The following KDM3B variants were observed in gnomAD, a reference collection of about 807,000 sequenced individuals.
KDM3B encodes lysine-specific demethylase 3B.
A neutral mutation model predicts 170.0 loss-of-function variants in KDM3B; 10 were observed. The observed-to-expected ratio is 0.06, with a 90% CI of 0.04 to 0.10. KDM3B has a LOEUF of 0.10. Ranked by LOEUF, KDM3B falls within the 10% of genes least tolerant of loss-of-function variation. The probability of loss-of-function intolerance (pLI) is 1.00; values close to 1 mark genes in which losing one functional copy is unlikely to be tolerated. For synonymous variants in KDM3B, 831 were observed against 834.8 expected (o/e 1.00, Z 0.08); for missense variants, 1,394 against 2,195.2 (o/e 0.64, Z 7.29).
At chr5:138,382,152 A>C (rs938165343) in intron 6 of KDM3B, among the ~76,000 whole-genome samples, 1 of 152,180 alleles carries the variant, frequency 6.6e-6, no homozygotes, top group African/African-American at 2.4e-5. Flanking sequence ...AAAAAGATAC[A>C]TTAAAGCTCT....
At chr5:138,388,709 G>C (rs537612040) in intron 7 of KDM3B, among the ~76,000 whole-genome samples, 40 of 151,448 alleles carry the variant, frequency 2.6e-4, no homozygotes, top group African/African-American at 6.3e-4. Flanking sequence ...CTACCCAGGA[G>C]GCTGAGGCAG....
intron 12 of KDM3B, among the ~76,000 whole-genome samples, chr5:138,416,588 C>CAAAAAAAAAAAAAAAA (rs545925296): frequency 1.2e-5 from 1 of 84,226 alleles, no homozygotes; most frequent in African/African-American, 4.7e-5. Context: ...GACTCTGTCT[C>CAAAAAAAAAAAAAAAA]AAAAAAAAAA....
chr5:138,379,594 T>G lies in KDM3B; in HGVS notation c.591T>G (p.Ser197Arg). ...LQEIFSRGPY[S>R]VQGHRVKIYQ... ...TGATCTCCCTTTTAGGTCCCTACAG[T>G]GTTCAAGGTCACAGGGTCAAAATAT... is the stretch of plus-strand genomic sequence containing the variant. Residue 197 changes from serine (S) to arginine (R), a missense_variant, in exon 5 of 24, where the codon AGT (serine) becomes AGG (arginine). Ser to Arg is a moderately radical substitution (Grantham distance 110, BLOSUM62 -1). This residue lies in a region of KDM3B where 166 missense variants were observed against 216.4 expected (regional missense o/e 0.77). Transcript: ENST00000314358. The G allele has an allele frequency of 6.2e-7, 1 of 1,613,292 alleles. No homozygotes were observed.
chr5:138,357,640 G>T (rs142394181), intron 1 of KDM3B, among the ~76,000 whole-genome samples: 1 of 152,188 alleles, frequency 6.6e-6, no homozygotes, highest in Non-Finnish European at 1.5e-5. Flanking sequence ...GATTACAGGC[G>T]TGAGCCACCA....
chr5:138,366,925 A>G (rs1202636666), intron 1 of KDM3B, among the ~76,000 whole-genome samples: 1 of 152,230 alleles, frequency 6.6e-6, no homozygotes, highest in Non-Finnish European at 1.5e-5. Flanking sequence ...ATGCCAGTCA[A>G]AGCTCTTTAC....
chr5:138,431,554 C>T lies in KDM3B; in HGVS notation c.5200C>T (p.Leu1734=). ...SNTHTNHEDK[L]QVKNIIYHAV... ...CACTCATACAAATCATGAGGATAAACTGCAGGTAAATAACTCCTCCCTCTA... is the reference window on the plus strand; with the variant it reads ...CACTCATACAAATCATGAGGATAAATTGCAGGTAAATAACTCCTCCCTCTA... The change falls in exon 23 of 24, where the codon CTG becomes TTG. Residue 1734 remains leucine, a synonymous_variant. Transcript: ENST00000314358. 6.2e-7 allele frequency: 1 copy of T among 1,603,528 alleles called. No homozygotes were observed. Among genetic ancestry groups the T allele is most frequent in the Non-Finnish European group, 8.5e-7 (1 of 1,176,044 alleles).
intron 6 of KDM3B, among the ~76,000 whole-genome samples, chr5:138,382,151 C>T (rs926845941): frequency 6.6e-6 from 1 of 152,028 alleles, no homozygotes; most frequent in Non-Finnish European, 1.5e-5. Flanking sequence ...AAAAAAGATA[C>T]ATTAAAGCTC....
At chr5:138,364,859 A>G (rs909430798) in intron 1 of KDM3B, among the ~76,000 whole-genome samples, 1 of 152,226 alleles carries the variant, frequency 6.6e-6, no homozygotes, top group Non-Finnish European at 1.5e-5. Flanking sequence ...TGAAAGCACT[A>G]TATGTGCTGG....
In KDM3B at chr5:138,386,475, C is replaced by A; in HGVS notation, c.1234C>A (p.Gln412Lys). Residue 412 changes from glutamine to lysine, a missense_variant, in exon 7 of 24, where the codon CAA (glutamine) becomes AAA (lysine). Coordinates refer to ENST00000314358, the MANE Select transcript of KDM3B (RefSeq NM_016604.4). The part of the protein sequence containing the change: ...ENKEAGKTLE[Q>K]VGQGIVASAA... Reference sequence around the variant, plus strand: ...CAAAGAGGCAGGAAAAACACTGGAACAAGTTGGCCAGGGCATAGTGGCTTC... The same window carrying A: ...CAAAGAGGCAGGAAAAACACTGGAAAAAGTTGGCCAGGGCATAGTGGCTTC... 1 of 1,614,176 alleles carries A rather than the reference C, an allele frequency of 6.2e-7. No individual in the cohort carries two copies. The highest frequency in any genetic ancestry group is 1.1e-5 in the South Asian group (1 of 91,080).
At chr5:138,368,637 G>T (rs565144729) in intron 1 of KDM3B, among the ~76,000 whole-genome samples, 93 of 152,178 alleles carry the variant, frequency 6.1e-4, no homozygotes, top group Middle Eastern at 3.4e-3. Context: ...CTTCACTCTT[G>T]GGGGAATATG....
chr5:138,370,733 T>C (rs6894775), intron 1 of KDM3B, among the ~76,000 whole-genome samples: 38,823 of 151,956 alleles, frequency 0.26, 5,614 homozygotes, highest in East Asian at 0.56. Context: ...CAGTTGCCAG[T>C]TGGGAGTCAC....
chr5:138,431,147 C>A (rs1257190045), intron 22 of KDM3B, among the ~76,000 whole-genome samples: 9 of 151,706 alleles, frequency 5.9e-5, no homozygotes, highest in Admixed American at 5.9e-4. Context: ...GGGGTTTCGC[C>A]ATATCACCGT....
At chr5:138,434,097 C>T (rs1490091309) in intron 23 of KDM3B, among the ~76,000 whole-genome samples, 1 of 152,168 alleles carries the variant, frequency 6.6e-6, no homozygotes, top group East Asian at 1.9e-4. Context: ...TTATCCATAA[C>T]ACCTTTCCCG....
At chr5:138,374,259 G>A in intron 2 of KDM3B, 1 of 439,484 alleles carries the variant, frequency 2.3e-6, no homozygotes, top group South Asian at 1.6e-5. Context: ...CGTTTCATTT[G>A]TTTTTGTTGT....
Position 138,391,961 on chromosome 5 carries a change from C to A in KDM3B, c.2329C>A (p.Leu777Met), listed in dbSNP as rs748370412. The change falls in exon 8 of 24, where the codon CTG becomes ATG. Residue 777 changes from leucine (L) to methionine (M), a missense_variant. Leu to Met is a conservative substitution (Grantham distance 15). Transcript: ENST00000314358. The surrounding 1 kb of genome is among the most constrained non-coding windows in gnomAD (Gnocchi z 5.0). Reference sequence around the variant, plus strand: ...CTTTGGCAGGCACTCAGGCGGCTTTCTGTCCTCCCCGGCAGATTTTTCACA... The same window carrying A: ...CTTTGGCAGGCACTCAGGCGGCTTTATGTCCTCCCCGGCAGATTTTTCACA... ...NVFGRHSGGF[L>M]SSPADFSQEN... 2 of 1,612,704 alleles carry A rather than the reference C, an allele frequency of 1.2e-6. No individual in the cohort carries two copies. The highest frequency in any genetic ancestry group is 1.7e-6 in the Non-Finnish European group (2 of 1,178,866).
intron 6 of KDM3B, among the ~76,000 whole-genome samples, chr5:138,385,433 A>T (rs1023238880): frequency 2.0e-5 from 3 of 152,174 alleles, no homozygotes; most frequent in African/African-American, 7.2e-5. Flanking sequence ...GGGTTTCACC[A>T]TGTTGGCCAG....
chr5:138,420,940 C>T lies in KDM3B; in HGVS notation c.3950C>T (p.Pro1317Leu), dbSNP rs561484805. 8 of 1,613,996 alleles carry T rather than the reference C, an allele frequency of 5.0e-6. No individual in the cohort carries two copies. The highest frequency in any genetic ancestry group is 2.2e-5 in the East Asian group (1 of 44,886). Residue 1317 changes from proline (P) to leucine (L), a missense_variant, in exon 15 of 24, where the codon CCG (proline) becomes CTG (leucine). Transcript: ENST00000314358. ...TTGGACACAGGCATACCCTTTCCCCCGGTCTTCTCTACATCCTCAGCAGTA... is the reference window on the plus strand; with the variant it reads ...TTGGACACAGGCATACCCTTTCCCCTGGTCTTCTCTACATCCTCAGCAGTA... Reference protein sequence around the residue: ...TPLDTGIPFPPVFSTSSAGVK... With the variant: ...TPLDTGIPFPLVFSTSSAGVK...
chr5:138,423,682 C>A (rs1168818133), intron 15 of KDM3B, among the ~76,000 whole-genome samples: 6 of 152,170 alleles, frequency 3.9e-5, no homozygotes, highest in African/African-American at 1.2e-4. Flanking sequence ...ATCCCTTGGG[C>A]ATGCTGGTTA....
At chr5:138,424,969 G>C (rs932626716) in intron 16 of KDM3B, among the ~76,000 whole-genome samples, 6 of 152,176 alleles carry the variant, frequency 3.9e-5, no homozygotes, top group African/African-American at 1.4e-4. Flanking sequence ...GCAGAGAAGG[G>C]GTTGGAGGTA....
Sources: gnomAD v4.1 joint callset for allele counts (sites outside exome capture counted in the v4.1 genomes callset) on GRCh38, gnomAD v4.1.1 for gene constraint, gnomAD v4.1.1 regional missense constraint, Gnocchi (gnomAD v3.1) non-coding constraint, MANE v1.5 for transcripts, NCBI Gene and HGNC (gene_info 2026-07-23, HGNC 2026-07-21) for gene names.